The following GALNT14 variants were observed in gnomAD, a reference collection of about 807,000 sequenced individuals.
GALNT14 encodes polypeptide N-acetylgalactosaminyltransferase 14.
In GALNT14, 60 loss-of-function variants were observed where a neutral mutation model predicts 77.5. The observed-to-expected ratio is 0.77, with a 90% confidence interval of 0.63 to 0.96. The LOEUF is 0.96. GALNT14 is among the 40% of genes least tolerant of loss of function. The pLI is 0.00. For synonymous variants in GALNT14, 280 were observed against 281.7 expected (o/e 0.99, Z 0.06); for missense variants, 710 against 731.0 (o/e 0.97, Z 0.33).
chr2:31,018,184 G>A (rs896274924), intron 1 of GALNT14, among the ~76,000 whole-genome samples: 15 of 152,250 alleles, frequency 9.9e-5, no homozygotes, highest in African/African-American at 3.6e-4. Flanking sequence ...AGGGCAGCAG[G>A]GCCCTCCAGG....
rs1046847376 is a variant in GALNT14, at chr2:31,019,352, A to C, written c.130-26345T>G. 2.0e-5 allele frequency among the ~76,000 whole-genome samples: 3 copies of C among 152,096 alleles called. No individual in the cohort carries two copies. In the South Asian group the frequency reaches 6.2e-4, roughly 32 times the overall value. On this transcript the variant is annotated intron_variant, in intron 1 of 14. Coordinates refer to ENST00000349752, the MANE Select transcript of GALNT14 (RefSeq NM_024572.4). ...TTGAGTGGGTTTTGCTTTAATTTTC[A>C]TTTGAAAGGAAGCCTTCTTTCCAGA...
chr2:30,887,207 G>C, the GALNT14 span, among the ~76,000 whole-genome samples: 1 of 152,070 alleles, frequency 6.6e-6, no homozygotes, highest in Non-Finnish European at 1.5e-5. Context: ...TATTTAAGTA[G>C]CTCTTTTCAG....
At chr2:30,979,389 G>A (rs564140048) in intron 2 of GALNT14, among the ~76,000 whole-genome samples, 3 of 152,116 alleles carry the variant, frequency 2.0e-5, no homozygotes, top group Non-Finnish European at 4.4e-5. Context: ...AGCAAAGAGG[G>A]TGTTTGCTAC....
At chr2:31,132,510 C>T in intron 1 of GALNT14, 1 of 306,494 alleles carries the variant, frequency 3.3e-6, no homozygotes, top group South Asian at 2.7e-5. Flanking sequence ...ACCCACACAG[C>T]AACTGAAAGG....
intron 1 of GALNT14, among the ~76,000 whole-genome samples, chr2:31,076,889 T>A (rs531980848): frequency 9.9e-5 from 15 of 152,126 alleles, no homozygotes; most frequent in Non-Finnish European, 1.6e-4. Flanking sequence ...AGCTAGATGA[T>A]CATAAGCCCC....
intron 1 of GALNT14, among the ~76,000 whole-genome samples, chr2:31,019,428 T>A (rs1021082705): frequency 6.6e-6 from 1 of 152,142 alleles, no homozygotes; most frequent in African/African-American, 2.4e-5. Flanking sequence ...AGCCACACTG[T>A]CATTTTGAGG....
At chr2:31,029,271 T>C (rs1291583293) in intron 1 of GALNT14, among the ~76,000 whole-genome samples, 1 of 152,126 alleles carries the variant, frequency 6.6e-6, no homozygotes, top group African/African-American at 2.4e-5. Flanking sequence ...GGAACTAAAG[T>C]CAGGAATAGT....
At position 31,002,589 on chromosome 2, in the gene GALNT14, T is replaced by C. The variant is rs369696677; in HGVS notation, c.130-9582A>G. 2.3e-3 allele frequency among the ~76,000 whole-genome samples: 349 copies of C among 152,342 alleles called. 15 individuals are homozygous for C. The South Asian group carries it at 0.052, about 23-fold the overall frequency. ...ATACAAAAGTATCTGCTTACCCCTATACCTTTCTGTTGTCCAGCCAGTTAG... is the reference window on the plus strand; with the variant it reads ...ATACAAAAGTATCTGCTTACCCCTACACCTTTCTGTTGTCCAGCCAGTTAG... On this transcript the variant is annotated intron_variant, in intron 1 of 14. Coordinates refer to ENST00000349752, the MANE Select transcript of GALNT14 (RefSeq NM_024572.4).
chr2:31,138,192 C>G lies in GALNT14; in HGVS notation c.-106G>C. On this transcript the variant is annotated 5_prime_UTR_variant, in exon 1 of 15. Transcript: ENST00000349752. ...CTGGCGAGCGCCTCGCTCTGGGGAG[C>G]TCTAGACCCAGGATCCGGTTGGAGG... 7.0e-7 allele frequency: 1 copy of G among 1,428,088 alleles called. No individual in the cohort carries two copies. Among genetic ancestry groups the G allele is most frequent in the South Asian group, 1.3e-5 (1 of 78,840 alleles). The allele number at this position is 1,428,088 out of a possible 1,614,324, so 88.5% of individuals were successfully genotyped here.
intron 1 of GALNT14, among the ~76,000 whole-genome samples, chr2:31,021,317 T>A (rs962551069): frequency 6.6e-6 from 1 of 152,084 alleles, no homozygotes; most frequent in Non-Finnish European, 1.5e-5. Context: ...TATTTTTATT[T>A]TTTTGCGACA....
At chr2:30,995,226 A>G (rs1022482654) in intron 1 of GALNT14, among the ~76,000 whole-genome samples, 1 of 151,676 alleles carries the variant, frequency 6.6e-6, no homozygotes, top group Non-Finnish European at 1.5e-5. Flanking sequence ...ATTTCAGTCA[A>G]TGACAGACTG....
rs146905488 is a variant in GALNT14 at position 31,088,330 on chromosome 2, C to A, written c.129+49628G>T. ...GGTAGATTATTATTCAGCAAGTACT[C>A]TGTCTCCCTCAGTCTCCATGGGAGG... On this transcript the variant is annotated intron_variant, in intron 1 of 14. Transcript: ENST00000349752. Among the ~76,000 whole-genome samples, 284 of 152,332 alleles carry A rather than the reference C, an allele frequency of 1.9e-3. 4 individuals are homozygous for A. Among genetic ancestry groups the A allele is most frequent in the African/African-American group, 6.5e-3 (270 of 41,588 alleles).
chr2:30,987,352 T>C (rs1191645814), intron 2 of GALNT14, among the ~76,000 whole-genome samples: 1 of 152,170 alleles, frequency 6.6e-6, no homozygotes, highest in Non-Finnish European at 1.5e-5. Context: ...TTTTGAGCCA[T>C]ACTGGATGTA....
At chr2:30,991,495 G>C (rs1343817540) in intron 2 of GALNT14, 4 of 152,070 alleles carry the variant, frequency 2.6e-5, no homozygotes, top group Non-Finnish European at 4.4e-5. Context: ...ACACTTTCAG[G>C]CCAGTAGAAG....
chr2:31,108,516 C>T (rs1677674662), intron 1 of GALNT14, among the ~76,000 whole-genome samples: 1 of 152,196 alleles, frequency 6.6e-6, no homozygotes, highest in South Asian at 2.1e-4. Flanking sequence ...GGTTTGTTCT[C>T]TCTTCCCTAT....
At chr2:31,021,600 C>G (rs1671724362) in intron 1 of GALNT14, among the ~76,000 whole-genome samples, 1 of 152,212 alleles carries the variant, frequency 6.6e-6, no homozygotes, top group Non-Finnish European at 1.5e-5. Context: ...GCCACCATGG[C>G]CAGCCAGCTG....
At chr2:30,956,312 GT>G (rs1442879553) in intron 4 of GALNT14, among the ~76,000 whole-genome samples, 2 of 151,936 alleles carry the variant, frequency 1.3e-5, no homozygotes, top group Non-Finnish European at 2.9e-5. Flanking sequence ...TTTCTTTTTT[GT>G]TATTTTTCTC....
chr2:30,945,963 A>G (rs2148291132), intron 6 of GALNT14, 93 bp from the exon 7 acceptor site: 2 of 1,030,446 alleles, frequency 1.9e-6, no homozygotes, highest in Middle Eastern at 2.3e-4. Flanking sequence ...AGGGCCAGAG[A>G]TGAGTTTTGT....
At chr2:31,095,329 A>AGGG (rs1208252112) in intron 1 of GALNT14, among the ~76,000 whole-genome samples, 1 of 152,158 alleles carries the variant, frequency 6.6e-6, no homozygotes, top group Non-Finnish European at 1.5e-5. Flanking sequence ...GCCCTGACAA[A>AGGG]GGAGCAATTG....
Sources: gnomAD v4.1 joint callset for allele counts (sites outside exome capture counted in the v4.1 genomes callset) on GRCh38, gnomAD v4.1.1 for gene constraint, MANE v1.5 for transcripts, NCBI Gene and HGNC (gene_info 2026-07-23, HGNC 2026-07-21) for gene names.